Variants in SH3PXD2A observed in about 807,000 individuals in gnomAD.
SH3PXD2A encodes SH3 and PX domain-containing protein 2A.
In SH3PXD2A, 32 loss-of-function variants were observed where a neutral mutation model predicts 115.2. The ratio of observed to expected loss-of-function variants is 0.28; its 90% CI spans 0.21 to 0.37. The LOEUF is 0.37. SH3PXD2A is among the 10% of genes least tolerant of loss of function. The pLI is 1.00. For missense variants in SH3PXD2A, 1,328 were observed against 1,498.7 expected, an observed-to-expected ratio of 0.89 and a Z score of 1.88; for synonymous variants, 610 against 629.1, an observed-to-expected ratio of 0.97 and a Z score of 0.45.
chr10:103,849,273 T>C (rs1842876077), intron 1 of SH3PXD2A, among the ~76,000 whole-genome samples: 1 of 152,132 alleles, frequency 6.6e-6, no homozygotes, highest in Non-Finnish European at 1.5e-5. Context: ...CTGAGTAGAA[T>C]GATACGAACC....
At chr10:103,642,306 C>T (rs770759619) in intron 8 of SH3PXD2A, among the ~76,000 whole-genome samples, 4 of 152,192 alleles carry the variant, frequency 2.6e-5, no homozygotes, top group Non-Finnish European at 2.9e-5. Flanking sequence ...AATGAAGAGG[C>T]TGAGCCTGTG....
chr10:103,655,570 C>T (rs994139750), intron 8 of SH3PXD2A, among the ~76,000 whole-genome samples: 5 of 152,046 alleles, frequency 3.3e-5, no homozygotes, highest in Non-Finnish European at 7.4e-5. Context: ...GCCAGGAGTT[C>T]AAGACCAGCT....
intron 2 of SH3PXD2A, among the ~76,000 whole-genome samples, chr10:103,778,369 G>A (rs947596702): frequency 1.3e-5 from 2 of 152,244 alleles, no homozygotes; most frequent in South Asian, 2.1e-4. Flanking sequence ...TAGGTAGAGC[G>A]CTTTAACACA....
At chr10:103,685,114 G>T (rs542417949) in intron 6 of SH3PXD2A, among the ~76,000 whole-genome samples, 3 of 152,254 alleles carry the variant, frequency 2.0e-5, no homozygotes, top group African/African-American at 7.2e-5. Flanking sequence ...AAGGTGGGTG[G>T]ATCACCTGGG....
rs1388604472 is a variant in SH3PXD2A at position 103,596,544 on chromosome 10, G to C, written c.*5272C>G. 1.3e-5 allele frequency: 2 copies of C among 152,496 alleles called. No homozygotes were observed. Among genetic ancestry groups the C allele is most frequent in the African/African-American group, 2.4e-5 (1 of 41,390 alleles). 9.4% of individuals were successfully genotyped at this position (152,496 alleles called of 1,614,324 possible). A position where few individuals can be genotyped will look rare whatever the true frequency, so the allele number is the denominator to read the frequency against. ...GGGACCTGCCCATTGCCAAGGACTTGTTCAATGGAGACAGCTTGCCTGGTA... is the reference window on the plus strand; with the variant it reads ...GGGACCTGCCCATTGCCAAGGACTTCTTCAATGGAGACAGCTTGCCTGGTA... On this transcript the variant is annotated 3_prime_UTR_variant, in exon 15 of 15. Coordinates refer to ENST00000369774, the MANE Select transcript of SH3PXD2A (RefSeq NM_001394015.1).
chr10:103,702,575 A>G (rs2037927994), intron 5 of SH3PXD2A, among the ~76,000 whole-genome samples: 1 of 61,554 alleles, frequency 1.6e-5, no homozygotes, highest in Non-Finnish European at 3.1e-5. Flanking sequence ...GGGCAGGAAC[A>G]GATGTAAGCC....
chr10:103,625,737 A>C (rs2036681384), intron 9 of SH3PXD2A, among the ~76,000 whole-genome samples: 1 of 152,186 alleles, frequency 6.6e-6, no homozygotes, highest in African/African-American at 2.4e-5. Context: ...ACTAAAAACA[A>C]AAATTAGCCA....
At chr10:103,694,955 C>G (rs1423150565) in intron 5 of SH3PXD2A, among the ~76,000 whole-genome samples, 1 of 152,208 alleles carries the variant, frequency 6.6e-6, no homozygotes, top group Non-Finnish European at 1.5e-5. Flanking sequence ...TAGCTGTGCC[C>G]CCCAAAAGCT....
intron 2 of SH3PXD2A, among the ~76,000 whole-genome samples, chr10:103,767,566 C>T (rs1477772013): frequency 6.6e-6 from 1 of 152,122 alleles, no homozygotes; most frequent in African/African-American, 2.4e-5. Flanking sequence ...CATCCCGAAC[C>T]CTCTTGGGCC....
intron 5 of SH3PXD2A, among the ~76,000 whole-genome samples, chr10:103,698,454 G>T (rs974254679): frequency 6.6e-6 from 1 of 152,202 alleles, no homozygotes; most frequent in Non-Finnish European, 1.5e-5. Flanking sequence ...GCCTGTCTGC[G>T]GGGCCTACAG....
At chr10:103,818,588 T>A (rs1159546581) in intron 1 of SH3PXD2A, among the ~76,000 whole-genome samples, 2 of 151,932 alleles carry the variant, frequency 1.3e-5, no homozygotes, top group Non-Finnish European at 2.9e-5. Flanking sequence ...GCAGGAAAAA[T>A]TTCCCAATCA....
chr10:103,729,042 G>A (rs1333971592), intron 4 of SH3PXD2A, among the ~76,000 whole-genome samples: 1 of 151,898 alleles, frequency 6.6e-6, no homozygotes, highest in East Asian at 1.9e-4. Flanking sequence ...TTACAGGCAC[G>A]TGCCACCACA....
intron 3 of SH3PXD2A, among the ~76,000 whole-genome samples, chr10:103,762,354 G>A (rs1039803604): frequency 6.6e-6 from 1 of 152,142 alleles, no homozygotes; most frequent in Admixed American, 6.5e-5. Flanking sequence ...CCCCCATCCA[G>A]CCTCATGATA....
intron 1 of SH3PXD2A, among the ~76,000 whole-genome samples, chr10:103,827,781 CAGAT>C (rs1696145429): frequency 6.6e-6 from 1 of 152,212 alleles, no homozygotes; most frequent in Non-Finnish European, 1.5e-5. Context: ...GCATAGTCCT[CAGAT>C]AGAGCAGTAC....
At chr10:103,642,182 T>A (rs1466878285) in intron 8 of SH3PXD2A, among the ~76,000 whole-genome samples, 1 of 151,602 alleles carries the variant, frequency 6.6e-6, no homozygotes, top group Non-Finnish European at 1.5e-5. Context: ...GAAAGAAATT[T>A]GCTAAGGAAA....
At chr10:103,663,742 G>A (rs1323914480) in intron 7 of SH3PXD2A, among the ~76,000 whole-genome samples, 1 of 152,234 alleles carries the variant, frequency 6.6e-6, no homozygotes, top group Non-Finnish European at 1.5e-5. Context: ...AATGGCCACA[G>A]AACTCTAGGA....
At chr10:103,694,085 T>G (rs576500131) in intron 5 of SH3PXD2A, among the ~76,000 whole-genome samples, 1 of 152,286 alleles carries the variant, frequency 6.6e-6, no homozygotes, top group East Asian at 1.9e-4. Flanking sequence ...TCCCTTAACC[T>G]GAGCCTCACA....
At chr10:103,851,994 A>G (rs1349905954) in intron 1 of SH3PXD2A, among the ~76,000 whole-genome samples, 1 of 152,212 alleles carries the variant, frequency 6.6e-6, no homozygotes, top group East Asian at 1.9e-4. Context: ...TCAAATCTTT[A>G]CTGAAAAACT....
At chr10:103,845,059 C>T (rs961381701) in intron 1 of SH3PXD2A, among the ~76,000 whole-genome samples, 7 of 151,988 alleles carry the variant, frequency 4.6e-5, no homozygotes, top group African/African-American at 1.7e-4. Flanking sequence ...CGTGGTGGCT[C>T]ACACCTGTAA....
Sources: gnomAD v4.1 joint callset for allele counts (sites outside exome capture counted in the v4.1 genomes callset) on GRCh38, gnomAD v4.1.1 for gene constraint, MANE v1.5 for transcripts, NCBI Gene and HGNC (gene_info 2026-07-23, HGNC 2026-07-21) for gene names.